BACE2: variants seen among roughly 807,000 people sequenced by gnomAD.
BACE2 encodes the protein 56 kDa aspartic-like protease.
A neutral mutation model predicts 46.2 loss-of-function variants in BACE2; 17 were observed. The ratio of observed to expected loss-of-function variants is 0.37; its 90% CI spans 0.25 to 0.55. BACE2 has a LOEUF of 0.55. BACE2 is among the 20% of genes least tolerant of loss of function. The pLI is 0.82. For missense variants in BACE2, 595 were observed against 698.1 expected, an observed-to-expected ratio of 0.85 and a Z score of 1.66; for synonymous variants, 277 against 295.9, an observed-to-expected ratio of 0.94 and a Z score of 0.66.
rs1460443105 is a variant in BACE2 at position 41,282,222 on chromosome 21, G to A, written c.*6598G>A. ...ATCCTTTAATACAAGTTTCTTAAGT[G>A]TAACTTGTATTTCTGAAAATGCTTA... On this transcript the variant is annotated 3_prime_UTR_variant, in exon 9 of 9. Transcript: ENST00000330333. The A allele has an allele frequency of 1.3e-5, 2 of 152,268 alleles. No homozygotes were observed. Among genetic ancestry groups the A allele is most frequent in the African/African-American group, 2.4e-5 (1 of 41,552 alleles). The allele number at this position is 152,268 out of a possible 1,614,324, so 9.4% of individuals were successfully genotyped here.
chr21:41,195,072 G>A (rs1985691471), intron 1 of BACE2, among the ~76,000 whole-genome samples: 1 of 152,234 alleles, frequency 6.6e-6, no homozygotes, highest in Non-Finnish European at 1.5e-5. Context: ...GCAAAGGAAG[G>A]CCTGTGGGCC....
At chr21:41,236,253 T>C (rs1473785117) in intron 2 of BACE2, among the ~76,000 whole-genome samples, 2 of 152,176 alleles carry the variant, frequency 1.3e-5, no homozygotes, top group Non-Finnish European at 2.9e-5. Context: ...TCCACAGTGC[T>C]CTACCCCTAG....
At chr21:41,233,747 G>A (rs1987030732) in intron 2 of BACE2, among the ~76,000 whole-genome samples, 1 of 152,094 alleles carries the variant, frequency 6.6e-6, no homozygotes, top group African/African-American at 2.4e-5. Flanking sequence ...GATCACCTGA[G>A]TTCAGGAGTT....
At chr21:41,209,634 A>T (rs1211607176) in intron 1 of BACE2, among the ~76,000 whole-genome samples, 9 of 152,180 alleles carry the variant, frequency 5.9e-5, no homozygotes, top group Admixed American at 2.0e-4. Flanking sequence ...TGCTCAGAGC[A>T]ACACTCTTTA....
chr21:41,179,208 TGAGGGTGTCCAGGATGAG>T, intron 1 of BACE2: 1 of 1,203,416 alleles, frequency 8.3e-7, no homozygotes, highest in African/African-American at 2.5e-5. Flanking sequence ...CCAGGTTGAG[TGAGGGTGTCCAGGATGAG>T]GAGTGAGGGT....
At chr21:41,269,948 C>T (rs1323035001) in intron 8 of BACE2, among the ~76,000 whole-genome samples, 1 of 152,212 alleles carries the variant, frequency 6.6e-6, no homozygotes, top group Non-Finnish European at 1.5e-5. Context: ...TATCATGTCA[C>T]ATTCCTGCCA....
intron 1 of BACE2, chr21:41,179,001 G>A (rs943551681): frequency 7.7e-6 from 7 of 904,400 alleles, no homozygotes; most frequent in Non-Finnish European, 7.4e-6. Context: ...TTGGCTTGAG[G>A]AGGACTGAGC....
Position 41,237,574 on chromosome 21 carries a change from A to G in BACE2, c.463A>G (p.Thr155Ala). 6.2e-7 allele frequency: 1 copy of G among 1,614,228 alleles called. No individual in the cohort carries two copies. The highest frequency in any genetic ancestry group is 8.5e-7 in the Non-Finnish European group (1 of 1,180,024). ...VTVKYTQGSW[T>A]GFVGEDLVTI... ...AGTGAAGTACACACAAGGAAGCTGG[A>G]CGGGCTTCGTTGGGGAAGACCTCGT... is the stretch of plus-strand genomic sequence containing the variant. The change falls in exon 3 of 9, where the codon ACG (threonine) becomes GCG (alanine). Residue 155 changes from threonine to alanine, a missense_variant. Around this residue, in one of 3 missense-constraint regions of BACE2, gnomAD observed 248 missense variants for 261.4 expected, o/e 0.95. Transcript: ENST00000330333.
At chr21:41,180,025 G>T in intron 1 of BACE2, 1 of 324,012 alleles carries the variant, frequency 3.1e-6, no homozygotes, top group South Asian at 2.9e-5. Context: ...CAGCAGAGGC[G>T]CTGCTCCTTG....
rs1022036951 is a variant in BACE2 at position 41,282,051 on chromosome 21, A to T, written c.*6427A>T. ...GTTCAGTCATTGAAAGCGACCACTC[A>T]TTTTTTTCTTAAAGTTGATGCCTTT... is the stretch of plus-strand genomic sequence containing the variant. On this transcript the variant is annotated 3_prime_UTR_variant, in exon 9 of 9. Coordinates refer to ENST00000330333, the MANE Select transcript of BACE2 (RefSeq NM_012105.5). The T allele has an allele frequency of 1.3e-5, 2 of 152,152 alleles. No homozygotes were observed. The highest frequency in any genetic ancestry group is 2.9e-5 in the Non-Finnish European group (2 of 68,020). 9.4% of individuals were successfully genotyped at this position (152,152 alleles called of 1,614,324 possible).
intron 1 of BACE2, among the ~76,000 whole-genome samples, chr21:41,208,823 G>C (rs1290643170): frequency 6.6e-6 from 1 of 152,132 alleles, no homozygotes; most frequent in East Asian, 1.9e-4. Context: ...ACCAGAGGGA[G>C]AAAAACAGCC....
chr21:41,180,065 C>T, intron 1 of BACE2: 1 of 263,156 alleles, frequency 3.8e-6, no homozygotes, highest in Admixed American at 5.1e-5. Context: ...AGGCTGTGCG[C>T]CCACAGTAGC....
chr21:41,206,140 A>G (rs886622748), intron 1 of BACE2, among the ~76,000 whole-genome samples: 4 of 152,204 alleles, frequency 2.6e-5, no homozygotes, highest in African/African-American at 7.2e-5. Context: ...AATAATGTCA[A>G]TGTATTTCTC....
At chr21:41,225,396 G>A (rs1003243076) in intron 1 of BACE2, 3 of 152,166 alleles carry the variant, frequency 2.0e-5, no homozygotes, top group South Asian at 2.1e-4. Context: ...AGGGCCCGTC[G>A]AAAGCAGAGG....
intron 8 of BACE2, among the ~76,000 whole-genome samples, chr21:41,269,091 A>G (rs2088408264): frequency 6.6e-6 from 1 of 151,920 alleles, no homozygotes; most frequent in Admixed American, 6.6e-5. Flanking sequence ...AGTAGCTGGG[A>G]TTACAGGCGT....
intron 1 of BACE2, among the ~76,000 whole-genome samples, chr21:41,188,493 C>T (rs1351250018): frequency 6.6e-6 from 1 of 152,086 alleles, no homozygotes; most frequent in Non-Finnish European, 1.5e-5. Flanking sequence ...TTAATAGGGA[C>T]TTATGAATGG....
At chr21:41,177,038 A>G (rs977364922) in intron 1 of BACE2, 1 of 152,226 alleles carries the variant, frequency 6.6e-6, no homozygotes, top group Non-Finnish European at 1.5e-5. Context: ...AGAAGTTGTT[A>G]CAAATGGTTC....
At chr21:41,168,614 C>G (rs1350580558) in intron 1 of BACE2, 39 bp downstream of exon 1, 3 of 1,280,894 alleles carry the variant, frequency 2.3e-6, no homozygotes, top group South Asian at 6.8e-5. Context: ...TTTTCGGGCT[C>G]GTTGGAGGGA....
intron 6 of BACE2, among the ~76,000 whole-genome samples, chr21:41,248,320 T>G (rs1338682556): frequency 6.6e-6 from 1 of 152,220 alleles, no homozygotes; most frequent in Non-Finnish European, 1.5e-5. Context: ...TGCCAGACTT[T>G]TGGTTAAGGA....
Sources: gnomAD v4.1 joint callset for allele counts (sites outside exome capture counted in the v4.1 genomes callset) on GRCh38, gnomAD v4.1.1 for gene constraint, gnomAD v4.1.1 regional missense constraint, MANE v1.5 for transcripts, NCBI Gene and HGNC (gene_info 2026-07-23, HGNC 2026-07-21) for gene names.